ESR2: variants seen among roughly 807,000 people sequenced by gnomAD.
ESR2 encodes the protein estrogen receptor 2.
A neutral mutation model predicts 49.6 loss-of-function variants in ESR2; 36 were observed. The observed-to-expected ratio is 0.73, with a 90% CI of 0.56 to 0.96. The LOEUF is 0.96. ESR2 is among the 40% of genes least tolerant of loss of function. ESR2 has a pLI of 0.00. For missense variants in ESR2, 714 were observed against 693.0 expected, an observed-to-expected ratio of 1.03 and a Z score of -0.34; for synonymous variants, 320 against 266.1, an observed-to-expected ratio of 1.20 and a Z score of -1.97.
intron 3 of ESR2, 34 bp from the exon 4 acceptor site, chr14:64,268,945 G>T: frequency 1.7e-6 from 2 of 1,186,060 alleles, no homozygotes; most frequent in Non-Finnish European, 2.5e-6. Context: ...AAAGATTATT[G>T]CTATGATCTC....
At chr14:64,273,975 C>T (rs1253749405) in intron 3 of ESR2, among the ~76,000 whole-genome samples, 4 of 148,248 alleles carry the variant, frequency 2.7e-5, no homozygotes, top group African/African-American at 1.0e-4. Flanking sequence ...GATCACACTC[C>T]ATCACCCAGG....
intron 6 of ESR2, among the ~76,000 whole-genome samples, chr14:64,252,981 A>T (rs1223741947): frequency 6.6e-6 from 1 of 151,668 alleles, no homozygotes; most frequent in Non-Finnish European, 1.5e-5. Flanking sequence ...TCAGCCTCCC[A>T]TGTAGCTGGG....
At chr14:64,295,064 G>A (rs1231887730), upstream of ESR2, among the ~76,000 whole-genome samples, 2 of 152,180 alleles carry the variant, frequency 1.3e-5, no homozygotes, top group African/African-American at 4.8e-5. Context: ...CAGCTTAATG[G>A]GGTGTTCCCC....
At chr14:64,309,796 C>T (rs973684755) in intron 1 of ESR2, among the ~76,000 whole-genome samples, 1 of 151,846 alleles carries the variant, frequency 6.6e-6, no homozygotes, top group Non-Finnish European at 1.5e-5. Flanking sequence ...ATGGTGAAAG[C>T]TCGTCTCTGG....
rs138920605 is a variant in ESR2 at position 64,260,452 on chromosome 14, G to T, written c.949C>A (p.Pro317Thr). The change falls in exon 5 of 9, where the codon CCC (proline) becomes ACC (threonine). Residue 317 changes from proline to threonine, a missense_variant. Pro to Thr is a conservative substitution (Grantham distance 38, BLOSUM62 -1). Transcript: ENST00000341099. Reference protein sequence around the residue: ...VHMISWAKKIPGFVELSLFDQ... With the variant: ...VHMISWAKKITGFVELSLFDQ... Reference sequence around the variant, plus strand: ...ACTGATAGCCAGAAAGCCCTACCGGGAATCTTCTTGGCCCAGCTGATCATG... The same window carrying T: ...ACTGATAGCCAGAAAGCCCTACCGGTAATCTTCTTGGCCCAGCTGATCATG... 1.2e-5 allele frequency: 19 copies of T among 1,522,420 alleles called. No homozygotes were observed. The highest frequency in any genetic ancestry group is 1.7e-5 in the Non-Finnish European group (19 of 1,136,494). 94.3% of individuals were successfully genotyped at this position (1,522,420 alleles called of 1,614,324 possible). A position where few individuals can be genotyped will look rare whatever the true frequency, so the allele number is the denominator to read the frequency against.
At position 64,249,553 on chromosome 14, in the gene ESR2, G is replaced by C; in HGVS notation, c.1218C>G (p.Leu406=). 1 of 1,613,734 alleles carries C rather than the reference G, an allele frequency of 6.2e-7. No individual in the cohort carries two copies. Among genetic ancestry groups the C allele is most frequent in the Non-Finnish European group, 8.5e-7 (1 of 1,179,916 alleles). The change falls in exon 7 of 9, where the codon CTC becomes CTG. Residue 406 remains leucine, a synonymous_variant. Transcript: ENST00000341099. ...EYLCVKAMIL[L]NSSMYPLVTA... ...AGCTGTGTGATTACTTACTGGAATTGAGCAGGATCATGGCCTTGACACAGA... is the reference window on the plus strand; with the variant it reads ...AGCTGTGTGATTACTTACTGGAATTCAGCAGGATCATGGCCTTGACACAGA...
chr14:64,276,047 A>G (rs561476809), intron 3 of ESR2, among the ~76,000 whole-genome samples: 2 of 152,348 alleles, frequency 1.3e-5, no homozygotes, highest in African/African-American at 4.8e-5. Context: ...AATAAAATGT[A>G]AAAACAAACT....
At chr14:64,269,909 G>A (rs566621633) in intron 3 of ESR2, among the ~76,000 whole-genome samples, 1 of 152,302 alleles carries the variant, frequency 6.6e-6, no homozygotes, top group Non-Finnish European at 1.5e-5. Context: ...AAACTGATGA[G>A]GCCAGGAGAC....
Position 64,282,215 on chromosome 14 carries a change from C to T in ESR2, c.362+409G>A, listed in dbSNP as rs548151967. Among the ~76,000 whole-genome samples, 30 of 152,198 alleles carry T rather than the reference C, an allele frequency of 2.0e-4. No individual in the cohort carries two copies. The South Asian group carries it at 3.1e-3, about 16-fold the overall frequency. On this transcript the variant is annotated intron_variant, in intron 2 of 8. Coordinates refer to ENST00000341099, the MANE Select transcript of ESR2 (RefSeq NM_001437.3). ...AAAAAATGAGCTGGGCGTGGTGGCA[C>T]GCGCCTGTAATCCCAGCTACTCGGG...
At chr14:64,331,715 T>C (rs944379271) in intron 1 of ESR2, among the ~76,000 whole-genome samples, 1 of 146,028 alleles carries the variant, frequency 6.8e-6, no homozygotes, top group Non-Finnish European at 1.5e-5. Flanking sequence ...TCCCAGCTAC[T>C]AAAGAGGCTA....
At chr14:64,262,885 T>C (rs2076250633) in intron 4 of ESR2, among the ~76,000 whole-genome samples, 1 of 152,178 alleles carries the variant, frequency 6.6e-6, no homozygotes, top group Admixed American at 6.5e-5. Flanking sequence ...CACTCCAGCC[T>C]GGGTGACACA....
chr14:64,260,288 A>C, intron 5 of ESR2, 161 bp downstream of exon 5: 1 of 810,410 alleles, frequency 1.2e-6, no homozygotes, highest in South Asian at 1.3e-5. Flanking sequence ...GCCAAGACAG[A>C]AGGAAGGAAC....
chr14:64,250,670 C>T (rs764884215), intron 6 of ESR2, among the ~76,000 whole-genome samples: 9 of 152,218 alleles, frequency 5.9e-5, no homozygotes, highest in Admixed American at 3.9e-4. Flanking sequence ...CTAGCAGCCC[C>T]TGAAGGGGCC....
downstream of ESR2, chr14:64,227,790 T>C (rs765243492): frequency 4.5e-6 from 7 of 1,547,658 alleles, no homozygotes; most frequent in Middle Eastern, 6.8e-4. Context: ...CAAAGCTCAG[T>C]GTATTCCCAA....
At chr14:64,332,602 C>A (rs2077473672) in intron 1 of ESR2, among the ~76,000 whole-genome samples, 1 of 151,936 alleles carries the variant, frequency 6.6e-6, no homozygotes. Flanking sequence ...AGATCGAGAC[C>A]ATCCTGGCTA....
At chr14:64,323,893 T>C (rs1328702841) in intron 1 of ESR2, among the ~76,000 whole-genome samples, 1 of 152,206 alleles carries the variant, frequency 6.6e-6, no homozygotes, top group Non-Finnish European at 1.5e-5. Flanking sequence ...GGTTTCTCCA[T>C]GTTGGCCAGG....
At chr14:64,242,834 G>A (rs996708458) in intron 7 of ESR2, among the ~76,000 whole-genome samples, 1 of 93,522 alleles carries the variant, frequency 1.1e-5, no homozygotes, top group Non-Finnish European at 2.0e-5. Context: ...CCAAGACTGG[G>A]CAATATACAA....
intron 6 of ESR2, among the ~76,000 whole-genome samples, chr14:64,251,313 A>C (rs1196242239): frequency 2.6e-5 from 4 of 151,786 alleles, no homozygotes; most frequent in Non-Finnish European, 4.4e-5. Flanking sequence ...GGGGCAAAAA[A>C]AAAAAAAAAC....
chr14:64,235,740 G>A (rs913853462), intron 7 of ESR2, among the ~76,000 whole-genome samples: 3 of 152,094 alleles, frequency 2.0e-5, no homozygotes, highest in African/African-American at 7.2e-5. Flanking sequence ...CCACCATCTG[G>A]AGCTCTCTGA....
Sources: allele counts gnomAD v4.1 joint callset (sites outside exome capture counted in the v4.1 genomes callset), GRCh38; gene constraint gnomAD v4.1.1; transcripts MANE v1.5; gene names NCBI Gene and HGNC (gene_info 2026-07-23, HGNC 2026-07-21).